CDKN1A: variants seen among roughly 807,000 people sequenced by gnomAD.
The protein encoded by CDKN1A is cyclin-dependent kinase inhibitor 1.
A neutral mutation model predicts 14.8 loss-of-function variants in CDKN1A; 14 were observed. That is an observed-to-expected ratio of 0.94 (90% CI 0.62 to 1.48). CDKN1A has a LOEUF of 1.48. Ranked by LOEUF, CDKN1A falls within the 40% of genes most tolerant of loss-of-function variation. The pLI, the probability that CDKN1A is intolerant of heterozygous loss-of-function variation, is 0.00. For missense variants in CDKN1A, 203 were observed against 231.7 expected, an observed-to-expected ratio of 0.88 and a Z score of 0.80; for synonymous variants, 92 against 93.5, an observed-to-expected ratio of 0.98 and a Z score of 0.09.
intron 1 of CDKN1A, among the ~76,000 whole-genome samples, chr6:36,683,616 G>A (rs1024847664): frequency 2.0e-5 from 3 of 152,214 alleles, no homozygotes; most frequent in Non-Finnish European, 4.4e-5. Context: ...CCTACTTGGG[G>A]ATCTGGGTCG....
chr6:36,677,923 C>T (rs1197955056), upstream of CDKN1A: 4 of 1,344,062 alleles, frequency 3.0e-6, no homozygotes, highest in Non-Finnish European at 3.9e-6. Context: ...ACAGGGATTT[C>T]TTCTGTTCAG....
rs74801436 is a variant in CDKN1A at position 36,686,747 on chromosome 6, C to T, written c.*947C>T. ...AAGAAGAAGGGCACCCTAGTTCTAC[C>T]TCAGGCAGCTCAAGCAGCGACCGCC... On this transcript the variant is annotated 3_prime_UTR_variant, in exon 3 of 3. Coordinates refer to ENST00000244741, the MANE Select transcript of CDKN1A (RefSeq NM_000389.5). This position sits in a 1 kb window ranked among gnomAD's most constrained non-coding sequence, Gnocchi z 4.9. 7.3e-5 allele frequency: 17 copies of T among 233,782 alleles called. No homozygotes were observed. Among genetic ancestry groups the T allele is most frequent in the African/African-American group, 3.5e-4 (16 of 45,314 alleles). The allele number at this position is 233,782 out of a possible 1,614,324, so 14.5% of individuals were successfully genotyped here. A position where few individuals can be genotyped will look rare whatever the true frequency, so the allele number is the denominator to read the frequency against.
chr6:36,678,591 G>A (rs1761770735), upstream of CDKN1A: 1 of 901,786 alleles, frequency 1.1e-6, no homozygotes, highest in Non-Finnish European at 1.3e-6. This position sits in a 1 kb window ranked among gnomAD's most constrained non-coding sequence, Gnocchi z 5.7. Context: ...TGGGCAGCCA[G>A]GAGCCTGGGC....
chr6:36,679,307 C>G (rs1761817193), intron 1 of CDKN1A, among the ~76,000 whole-genome samples: 1 of 152,208 alleles, frequency 6.6e-6, no homozygotes, highest in Admixed American at 6.5e-5. Flanking sequence ...GCCGCCCTGG[C>G]CCAGGTCCCA....
At chr6:36,685,543 T>A (rs570818423) in intron 2 of CDKN1A, among the ~76,000 whole-genome samples, 1 of 152,258 alleles carries the variant, frequency 6.6e-6, no homozygotes, top group Non-Finnish European at 1.5e-5. Flanking sequence ...CGGTGATGGA[T>A]AAAATCACAT....
chr6:36,680,844 AT>A (rs1205399035), intron 1 of CDKN1A: 1 of 152,266 alleles, frequency 6.6e-6, no homozygotes, highest in Non-Finnish European at 1.5e-5. Flanking sequence ...GCTATTTTTA[AT>A]TGTTTCTAAA....
At chr6:36,679,184 C>G in intron 1 of CDKN1A, among the ~76,000 whole-genome samples, 1 of 152,178 alleles carries the variant, frequency 6.6e-6, no homozygotes, top group Admixed American at 6.5e-5. Context: ...GCAGTTTGCT[C>G]GCGGCGTGGG....
chr6:36,681,788 G>A (rs1361563110), intron 1 of CDKN1A, among the ~76,000 whole-genome samples: 1 of 151,840 alleles, frequency 6.6e-6, no homozygotes, highest in Non-Finnish European at 1.5e-5. Context: ...TAGAGACGGG[G>A]TTTCACCGTG....
Position 36,678,948 on chromosome 6 carries a change from C to A in CDKN1A, c.-6+150C>A. 1.0e-6 allele frequency: 1 copy of A among 985,800 alleles called. No individual in the cohort carries two copies. Among genetic ancestry groups the A allele is most frequent in the Non-Finnish European group, 1.2e-6 (1 of 830,252 alleles). 61.1% of individuals were successfully genotyped at this position (985,800 alleles called of 1,614,324 possible). On this transcript the variant is annotated intron_variant, in intron 1 of 2. Transcript: ENST00000244741. The surrounding 1 kb of genome is among the most constrained non-coding windows in gnomAD (Gnocchi z 5.7). ...AGGTGTTTCTGCGGCAGGTGAATGA[C>A]GGGCGTGGGTCGGTGCGCGCTCGGC... is the stretch of plus-strand genomic sequence containing the variant.
Position 36,678,990 on chromosome 6 carries a change from T to C in CDKN1A, c.-6+192T>C. 3.1e-6 allele frequency: 3 copies of C among 977,530 alleles called. No individual in the cohort carries two copies. Among genetic ancestry groups the C allele is most frequent in the Non-Finnish European group, 3.6e-6 (3 of 826,550 alleles). 60.6% of individuals were successfully genotyped at this position (977,530 alleles called of 1,614,324 possible). A position where few individuals can be genotyped will look rare whatever the true frequency, so the allele number is the denominator to read the frequency against. ...GCGCTCGGCTTGCGCACACGGTGTC[T>C]CTAAGTGCGCGGGTGACGAGAGTCG... On this transcript the variant is annotated intron_variant, in intron 1 of 2. Coordinates refer to ENST00000244741, the MANE Select transcript of CDKN1A (RefSeq NM_000389.5). The surrounding 1 kb of genome is among the most constrained non-coding windows in gnomAD (Gnocchi z 5.7).
chr6:36,683,751 C>G (rs1251422363), intron 1 of CDKN1A, among the ~76,000 whole-genome samples: 1 of 152,250 alleles, frequency 6.6e-6, no homozygotes, highest in Non-Finnish European at 1.5e-5. Context: ...GGGGCATTCA[C>G]ACCCATGAGG....
Position 36,684,355 on chromosome 6 carries a change from G to A in CDKN1A, c.254G>A (p.Gly85Asp), listed in dbSNP as rs1377940980. ...TACCTTCCCACGGGGCCCCGGCGAG[G>A]CCGGGATGAGTTGGGAGGAGGCAGG... ...KLYLPTGPRRGRDELGGGRRP... is the reference protein window; with the variant it reads ...KLYLPTGPRRDRDELGGGRRP... Residue 85 changes from glycine to aspartate, a missense_variant, in exon 2 of 3, where the codon GGC becomes GAC. Gly to Asp is a moderately conservative substitution (Grantham distance 94). Coordinates refer to ENST00000244741, the MANE Select transcript of CDKN1A (RefSeq NM_000389.5). This position sits in a 1 kb window ranked among gnomAD's most constrained non-coding sequence, Gnocchi z 6.0. 6.2e-7 allele frequency: 1 copy of A among 1,613,406 alleles called. No individual in the cohort carries two copies. The highest frequency in any genetic ancestry group is 8.5e-7 in the Non-Finnish European group (1 of 1,179,884).
rs1336931481 is a variant in CDKN1A at position 36,681,283 on chromosome 6, T to C, written c.-6+2485T>C. Among the ~76,000 whole-genome samples the C allele has an allele frequency of 3.9e-5, 4 of 103,234 alleles. No individual in the cohort carries two copies. The East Asian group carries it at 1.0e-3, about 27-fold the overall frequency. 67.7% of individuals were successfully genotyped at this position (103,234 alleles called of 152,430 possible). A position where few individuals can be genotyped will look rare whatever the true frequency, so the allele number is the denominator to read the frequency against. ...AGGTGCTTTTCTTTCTTTCTTTTTT[T>C]CTTTCTTTCTTTCTTTCTTTCTTTC... On this transcript the variant is annotated intron_variant, in intron 1 of 2. Transcript: ENST00000244741.
Position 36,685,965 on chromosome 6 carries a change from G to A in CDKN1A, c.*165G>A. The stretch of plus-strand genomic sequence containing the variant: ...GCCGCCCCCTGCCCCCCAGCCTCTG[G>A]CATTAGAATTATTTAAACAAAAACT... On this transcript the variant is annotated 3_prime_UTR_variant, in exon 3 of 3. Coordinates refer to ENST00000244741, the MANE Select transcript of CDKN1A (RefSeq NM_000389.5). 1.4e-6 allele frequency: 1 copy of A among 700,382 alleles called. No homozygotes were observed. 43.4% of individuals were successfully genotyped at this position (700,382 alleles called of 1,614,324 possible). A position where few individuals can be genotyped will look rare whatever the true frequency, so the allele number is the denominator to read the frequency against.
In CDKN1A at chr6:36,684,416, A is replaced by G. The variant is rs2150314094; in HGVS notation, c.315A>G (p.Thr105=). 6.2e-7 allele frequency: 1 copy of G among 1,613,760 alleles called. No homozygotes were observed. The highest frequency in any genetic ancestry group is 8.5e-7 in the Non-Finnish European group (1 of 1,179,884). ...CCTCACCTGCTCTGCTGCAGGGGACAGCAGAGGAAGACCATGTGGACCTGT... is the reference window on the plus strand; with the variant it reads ...CCTCACCTGCTCTGCTGCAGGGGACGGCAGAGGAAGACCATGTGGACCTGT... ...PGTSPALLQG[T]AEEDHVDLSL... is the part of the protein sequence containing the mutation. Residue 105 remains threonine, a synonymous_variant, in exon 2 of 3, where the codon ACA becomes ACG. Transcript: ENST00000244741. The surrounding 1 kb of genome is among the most constrained non-coding windows in gnomAD (Gnocchi z 6.0).
chr6:36,677,903 T>C (rs1311141132), upstream of CDKN1A: 3 of 1,361,908 alleles, frequency 2.2e-6, no homozygotes, highest in Admixed American at 2.2e-5. Flanking sequence ...CCAACAAAGC[T>C]GCTGCAACCA....
At chr6:36,685,287 A>G (rs1762162383) in intron 2 of CDKN1A, among the ~76,000 whole-genome samples, 1 of 152,214 alleles carries the variant, frequency 6.6e-6, no homozygotes, top group African/African-American at 2.4e-5. Context: ...TGTGCTGAAC[A>G]CTTTCATGGA....
At chr6:36,685,652 A>G (rs1213515690) in intron 2 of CDKN1A, 99 bp from the exon 3 acceptor site, 2 of 1,247,804 alleles carry the variant, frequency 1.6e-6, no homozygotes, top group African/African-American at 3.0e-5. Flanking sequence ...CATTGGCCCC[A>G]GGGAAGGGTG....
rs960052426 is a variant in CDKN1A at position 36,686,983 on chromosome 6, T to G, written c.*1183T>G. 6 of 233,576 alleles carry G rather than the reference T, an allele frequency of 2.6e-5. No homozygotes were observed. The highest frequency in any genetic ancestry group is 4.4e-5 in the African/African-American group (2 of 45,338). 14.5% of individuals were successfully genotyped at this position (233,576 alleles called of 1,614,324 possible). ...TAGCAGCGGAACAAGGAGTCAGACA[T>G]TTTAAGATGGTGGCAGTAGAGGCTA... On this transcript the variant is annotated 3_prime_UTR_variant, in exon 3 of 3. Transcript: ENST00000244741. The surrounding 1 kb of genome is among the most constrained non-coding windows in gnomAD (Gnocchi z 4.9).
Sources: allele counts gnomAD v4.1 joint callset (sites outside exome capture counted in the v4.1 genomes callset), GRCh38; gene constraint gnomAD v4.1.1; non-coding constraint Gnocchi (gnomAD v3.1); transcripts MANE v1.5; gene names NCBI Gene and HGNC (gene_info 2026-07-23, HGNC 2026-07-21).